USP13: variants seen among roughly 807,000 people sequenced by gnomAD.
USP13 encodes ubiquitin specific peptidase 13.
In USP13, 68 loss-of-function variants were observed where a neutral mutation model predicts 107.8. The observed-to-expected ratio is 0.63, with a 90% CI of 0.52 to 0.77. The LOEUF is 0.77. Among genes scored for constraint, USP13 ranks in the 30% least tolerant of loss-of-function variants. The pLI is 0.00. For missense variants in USP13, 945 were observed against 1,093.3 expected (o/e 0.86, Z 1.91); for synonymous variants, 377 against 389.5 (o/e 0.97, Z 0.38).
At chr3:179,673,500 G>A (rs975631866) in intron 1 of USP13, among the ~76,000 whole-genome samples, 1 of 152,150 alleles carries the variant, frequency 6.6e-6, no homozygotes, top group Admixed American at 6.5e-5. Context: ...GCTTCTAAAG[G>A]TACTGGCGGC....
At chr3:179,757,248 C>A in intron 16 of USP13, 170 bp downstream of exon 16, 1 of 677,382 alleles carries the variant, frequency 1.5e-6, no homozygotes, top group Admixed American at 2.7e-5. Context: ...ATCAGGTGGC[C>A]CATGGGGCTC....
chr3:179,661,077 C>T (rs1720443927), intron 1 of USP13, among the ~76,000 whole-genome samples: 1 of 152,158 alleles, frequency 6.6e-6, no homozygotes, highest in African/African-American at 2.4e-5. Flanking sequence ...CATTGCATGT[C>T]ACGTAGCCTT....
intron 3 of USP13, 101 bp downstream of exon 3, chr3:179,690,402 C>G: frequency 9.2e-7 from 1 of 1,081,476 alleles, no homozygotes; most frequent in Non-Finnish European, 1.3e-6. Context: ...TTGTTTATTG[C>G]TGTACAATTT....
chr3:179,746,431 T>TA (rs911916833), intron 13 of USP13, among the ~76,000 whole-genome samples: 1 of 150,266 alleles, frequency 6.7e-6, no homozygotes, highest in African/African-American at 2.4e-5. Context: ...TTTTTGTATA[T>TA]TTTTTTTTGT....
At chr3:179,684,284 C>CACACAG (rs761090974) in intron 2 of USP13, among the ~76,000 whole-genome samples, 1,733 of 146,646 alleles carry the variant, frequency 0.012, 13 homozygotes, top group Middle Eastern at 0.023. Context: ...CACACACACA[C>CACACAG]ACACACACAC....
In USP13 at chr3:179,742,782, A is replaced by G. The variant is rs1714249431; in HGVS notation, c.1534+432A>G. ...TCTTGAAATAATCCAGCTTTGGCAC[A>G]TGAGTATTTGAGCCACCTCTTCTGG... On this transcript the variant is annotated intron_variant, in intron 12 of 20. Coordinates refer to ENST00000263966, the MANE Select transcript of USP13 (RefSeq NM_003940.3). The surrounding 1 kb of genome is among the most constrained non-coding windows in gnomAD (Gnocchi z 5.0). Among the ~76,000 whole-genome samples the G allele has an allele frequency of 6.6e-6, 1 of 152,172 alleles. No homozygotes were observed. Among genetic ancestry groups the G allele is most frequent in the Non-Finnish European group, 1.5e-5 (1 of 68,034 alleles).
At chr3:179,690,840 G>T (rs1413254232) in intron 3 of USP13, among the ~76,000 whole-genome samples, 1 of 152,110 alleles carries the variant, frequency 6.6e-6, no homozygotes, top group Admixed American at 6.6e-5. Flanking sequence ...GGGATTTCAG[G>T]CGTGAACCAC....
intron 6 of USP13, among the ~76,000 whole-genome samples, chr3:179,719,058 T>C (rs774278237): frequency 1.8e-4 from 28 of 152,204 alleles, no homozygotes; most frequent in Non-Finnish European, 3.8e-4. Context: ...GTGAAGCTAC[T>C]GCTTTGAGTC....
In USP13 at chr3:179,653,165, C is replaced by G. The variant is rs1164181795; in HGVS notation, c.-61C>G. ...AGCCCGCTCGCTGGCGCCGCCGCCG[C>G]CGGCAGACCCCGCGCTCCGGCTCCG... On this transcript the variant is annotated 5_prime_UTR_variant, in exon 1 of 21. Transcript: ENST00000263966. This position sits in a 1 kb window ranked among gnomAD's most constrained non-coding sequence, Gnocchi z 4.0. The G allele has an allele frequency of 9.0e-7, 1 of 1,116,408 alleles. No individual in the cohort carries two copies. The highest frequency in any genetic ancestry group is 1.1e-6 in the Non-Finnish European group (1 of 913,034). 69.2% of individuals were successfully genotyped at this position (1,116,408 alleles called of 1,614,324 possible).
chr3:179,698,514 A>T (rs9834881), intron 3 of USP13, among the ~76,000 whole-genome samples: 134,614 of 151,318 alleles, frequency 0.89, 60,201 homozygotes, highest in Non-Finnish European at 0.94. Context: ...TTCTTGTATT[A>T]TATTTATGCC....
intron 10 of USP13, among the ~76,000 whole-genome samples, chr3:179,736,635 A>G (rs1714005961): frequency 6.6e-6 from 1 of 152,262 alleles, no homozygotes; most frequent in Non-Finnish European, 1.5e-5. Context: ...ACTGTTGAAT[A>G]GAAGATTAAG....
At chr3:179,739,422 G>T (rs1714109234) in intron 10 of USP13, among the ~76,000 whole-genome samples, 2 of 152,192 alleles carry the variant, frequency 1.3e-5, no homozygotes. Flanking sequence ...GAGCAGCTCT[G>T]CAGTGCTTCA....
intron 1 of USP13, among the ~76,000 whole-genome samples, chr3:179,676,149 G>A (rs1405148119): frequency 6.6e-6 from 1 of 152,118 alleles, no homozygotes; most frequent in East Asian, 1.9e-4. Flanking sequence ...TGAAGAAGGT[G>A]CCTTTCTTTC....
At chr3:179,763,969 AGG>A in intron 17 of USP13, 31 bp from the exon 18 acceptor site, 5 of 1,533,536 alleles carry the variant, frequency 3.3e-6, no homozygotes, top group African/African-American at 2.8e-5. Context: ...AAAAAAAAAA[AGG>A]AAAAGACTTG....
At position 179,708,875 on chromosome 3, in the gene USP13, C is replaced by A; in HGVS notation, c.723C>A (p.Gly241=). The A allele has an allele frequency of 1.2e-6, 2 of 1,614,102 alleles. No homozygotes were observed. Among genetic ancestry groups the A allele is most frequent in the Non-Finnish European group, 1.7e-6 (2 of 1,180,034 alleles). The part of the protein sequence containing the change: ...CGKWFFDSSG[G]NGHALEHYRD... ...AGTGGTTCTTTGACAGCTCTGGGGG[C>A]AACGGGCATGCGCTGGAGCATTACA... Residue 241 remains glycine, a synonymous_variant, in exon 6 of 21, where the codon GGC becomes GGA. Coordinates refer to ENST00000263966, the MANE Select transcript of USP13 (RefSeq NM_003940.3).
rs553645577 is a variant in USP13, at chr3:179,784,454, C to T, written c.*313C>T. The T allele has an allele frequency of 1.8e-4, 39 of 218,920 alleles. No individual in the cohort carries two copies. Among genetic ancestry groups the T allele is most frequent in the African/African-American group, 8.3e-4 (36 of 43,184 alleles). The allele number at this position is 218,920 out of a possible 1,614,324, so 13.6% of individuals were successfully genotyped here. On this transcript the variant is annotated 3_prime_UTR_variant, in exon 21 of 21. Coordinates refer to ENST00000263966, the MANE Select transcript of USP13 (RefSeq NM_003940.3). The stretch of plus-strand genomic sequence containing the variant: ...CAGCACATCAAAAATGGGGATGTGC[C>T]CCCAGCCCTCTATTTTGCTTTGGGG...
Position 179,673,914 on chromosome 3 carries a change from C to T in USP13, c.169-7964C>T, listed in dbSNP as rs191590676. Among the ~76,000 whole-genome samples, 385 of 152,170 alleles carry T rather than the reference C, an allele frequency of 2.5e-3. 1 individual carries two copies. Among genetic ancestry groups the T allele is most frequent in the Non-Finnish European group, 4.3e-3 (295 of 68,004 alleles). On this transcript the variant is annotated intron_variant, in intron 1 of 20. Transcript: ENST00000263966. ...TCTTTCTTTCGTTTTTTTCTTGAGACGGAGTTTCGCTCTTGTTGCCCAGGC... is the reference window on the plus strand; with the variant it reads ...TCTTTCTTTCGTTTTTTTCTTGAGATGGAGTTTCGCTCTTGTTGCCCAGGC...
Position 179,784,217 on chromosome 3 carries a change from G to A in USP13, c.*76G>A. 8.2e-7 allele frequency: 1 copy of A among 1,215,088 alleles called. No individual in the cohort carries two copies. The allele number at this position is 1,215,088 out of a possible 1,614,324, so 75.3% of individuals were successfully genotyped here. On this transcript the variant is annotated 3_prime_UTR_variant, in exon 21 of 21. Transcript: ENST00000263966. ...CCAAAAAAAAAAAGAAGAAGAAGAA[G>A]TTGAAACAACTAGACATGAAGGAAT... is the stretch of plus-strand genomic sequence containing the variant.
intron 16 of USP13, among the ~76,000 whole-genome samples, chr3:179,758,552 G>A (rs1714887975): frequency 6.6e-6 from 1 of 150,478 alleles, no homozygotes; most frequent in African/African-American, 2.4e-5. Flanking sequence ...AGGCTGGAGT[G>A]CAGTGGCGCG....
Sources: allele counts gnomAD v4.1 joint callset (sites outside exome capture counted in the v4.1 genomes callset), GRCh38; gene constraint gnomAD v4.1.1; non-coding constraint Gnocchi (gnomAD v3.1); transcripts MANE v1.5; gene names NCBI Gene and HGNC (gene_info 2026-07-23, HGNC 2026-07-21).